The following EIF4G3 variants were observed in gnomAD, a reference collection of about 807,000 sequenced individuals.
EIF4G3 encodes eukaryotic translation initiation factor 4 gamma 3.
A neutral mutation model predicts 186.4 loss-of-function variants in EIF4G3; 34 were observed. The ratio of observed to expected loss-of-function variants is 0.18; its 90% CI spans 0.14 to 0.24. EIF4G3 has a LOEUF of 0.24. Ranked by LOEUF, EIF4G3 falls within the 10% of genes least tolerant of loss-of-function variation. The probability of loss-of-function intolerance (pLI) is 1.00; values close to 1 mark genes in which losing one functional copy is unlikely to be tolerated. For synonymous variants in EIF4G3, 673 were observed against 679.5 expected (o/e 0.99, Z 0.15); for missense variants, 1,536 against 1,948.5 (o/e 0.79, Z 3.99).
chr1:20,994,421 C>T (rs2081826009), intron 7 of EIF4G3, among the ~76,000 whole-genome samples: 1 of 152,018 alleles, frequency 6.6e-6, no homozygotes, highest in African/African-American at 2.4e-5. Flanking sequence ...TTATTCAATT[C>T]TCTGTGATAT....
intron 14 of EIF4G3, among the ~76,000 whole-genome samples, chr1:20,939,847 GTTTTT>G (rs538504683): frequency 1.1e-5 from 1 of 89,912 alleles, no homozygotes; most frequent in Non-Finnish European, 2.2e-5. Context: ...AAGTTGTTTA[GTTTTT>G]TTTTTTTTTT....
chr1:21,140,113 T>C (rs2097311890), intron 2 of EIF4G3, among the ~76,000 whole-genome samples: 2 of 152,252 alleles, frequency 1.3e-5, no homozygotes, highest in South Asian at 4.1e-4. Context: ...GTCTTCTCTC[T>C]GTAACAGTAT....
chr1:20,890,066 G>A lies in EIF4G3; in HGVS notation c.2253+3451C>T, dbSNP rs571191738. Among the ~76,000 whole-genome samples, 6 of 150,940 alleles carry A rather than the reference G, an allele frequency of 4.0e-5. No homozygotes were observed. In the South Asian group the frequency reaches 8.4e-4, roughly 21 times the overall value. On this transcript the variant is annotated intron_variant, in intron 18 of 36. Transcript: ENST00000602326. ...TGGCTCACTACAGCCTCCGCCTCCC[G>A]GGTTCAAGCGATTCTTGTGCCTCAG...
intron 2 of EIF4G3, among the ~76,000 whole-genome samples, chr1:21,136,624 T>C (rs765131865): frequency 3.3e-5 from 5 of 152,134 alleles, no homozygotes; most frequent in Non-Finnish European, 4.4e-5. Flanking sequence ...AGTGCCCAAA[T>C]GCCTGGACAA....
chr1:20,863,733 C>T (rs891744991), intron 22 of EIF4G3, among the ~76,000 whole-genome samples: 10 of 150,546 alleles, frequency 6.6e-5, no homozygotes, highest in Admixed American at 1.3e-4. Flanking sequence ...CATGAGCCAC[C>T]GTGCCCGGCT....
chr1:20,934,364 G>A (rs1035206949), intron 14 of EIF4G3, among the ~76,000 whole-genome samples: 12 of 152,234 alleles, frequency 7.9e-5, no homozygotes, highest in African/African-American at 2.9e-4. Flanking sequence ...TGGTTATATG[G>A]GACTCAGAGA....
At chr1:21,116,768 G>A (rs2096831052) in intron 2 of EIF4G3, among the ~76,000 whole-genome samples, 1 of 151,444 alleles carries the variant, frequency 6.6e-6, no homozygotes, top group Non-Finnish European at 1.5e-5. Flanking sequence ...GAACCCAGGA[G>A]GCGGATGTTG....
chr1:20,872,898 A>G (rs2079622893), intron 20 of EIF4G3, among the ~76,000 whole-genome samples: 5 of 151,838 alleles, frequency 3.3e-5, no homozygotes, highest in Admixed American at 3.3e-4. Context: ...CACCATGCCC[A>G]GCTAATTTTT....
At chr1:20,991,560 T>A (rs552949046) in intron 7 of EIF4G3, among the ~76,000 whole-genome samples, 75 of 143,612 alleles carry the variant, frequency 5.2e-4, no homozygotes, top group African/African-American at 1.8e-3. Context: ...AGAGTGAGAC[T>A]CTGTCTCATA....
At chr1:20,968,654 A>G (rs1312909046) in intron 12 of EIF4G3, among the ~76,000 whole-genome samples, 1 of 152,228 alleles carries the variant, frequency 6.6e-6, no homozygotes, top group African/African-American at 2.4e-5. Context: ...CAATTTATTA[A>G]TAAGTTCCAC....
chr1:21,010,662 C>A (rs6661116), intron 4 of EIF4G3, among the ~76,000 whole-genome samples: 1 of 151,906 alleles, frequency 6.6e-6, no homozygotes, highest in Non-Finnish European at 1.5e-5. Context: ...ATACATAGCC[C>A]ATGGCTAACA....
intron 11 of EIF4G3, among the ~76,000 whole-genome samples, chr1:20,971,188 C>T (rs1322130491): frequency 6.6e-6 from 1 of 152,080 alleles, no homozygotes; most frequent in Admixed American, 6.5e-5. Context: ...TATAAAGGAC[C>T]CACTGTTGTT....
intron 2 of EIF4G3, among the ~76,000 whole-genome samples, chr1:21,160,280 TA>T (rs770407561): frequency 1.3e-5 from 2 of 151,972 alleles, no homozygotes; most frequent in African/African-American, 2.4e-5. Flanking sequence ...ATATGAATAA[TA>T]AACAAATGGA....
chr1:20,918,545 A>G (rs1290283027), intron 14 of EIF4G3, among the ~76,000 whole-genome samples: 1 of 152,018 alleles, frequency 6.6e-6, no homozygotes, highest in Non-Finnish European at 1.5e-5. Flanking sequence ...GGTCATAACT[A>G]TATGAGTTAT....
At chr1:20,818,322 C>T (rs1338575094) in intron 33 of EIF4G3, among the ~76,000 whole-genome samples, 1 of 152,108 alleles carries the variant, frequency 6.6e-6, no homozygotes, top group Non-Finnish European at 1.5e-5. Context: ...AATTGTTTAG[C>T]ACTTAGATAC....
rs562236311 is a variant in EIF4G3, at chr1:21,090,471, A to G, written c.-271-1258T>C. On this transcript the variant is annotated intron_variant, in intron 2 of 36. Transcript: ENST00000602326. ...ATGAATGTTTCCTACTTATGCAGAAAAGAGAGGACCAATACATTTTAAAGA... is the reference window on the plus strand; with the variant it reads ...ATGAATGTTTCCTACTTATGCAGAAGAGAGAGGACCAATACATTTTAAAGA... Among the ~76,000 whole-genome samples, 128 of 152,362 alleles carry G rather than the reference A, an allele frequency of 8.4e-4. 1 individual carries two copies. The highest frequency in any genetic ancestry group is 3.0e-3 in the African/African-American group (124 of 41,590).
At chr1:20,876,707 A>C (rs2154553756) in intron 20 of EIF4G3, among the ~76,000 whole-genome samples, 1 of 152,316 alleles carries the variant, frequency 6.6e-6, no homozygotes, top group South Asian at 2.1e-4. Flanking sequence ...AATTTAAAAT[A>C]ATCCAGGAGG....
At chr1:21,173,519 T>C (rs2098033823) in intron 2 of EIF4G3, among the ~76,000 whole-genome samples, 1 of 152,008 alleles carries the variant, frequency 6.6e-6, no homozygotes, top group Non-Finnish European at 1.5e-5. Context: ...AAACCCAGTC[T>C]GATCACGCCT....
At chr1:21,110,586 C>G (rs1013228925) in intron 2 of EIF4G3, among the ~76,000 whole-genome samples, 1 of 152,154 alleles carries the variant, frequency 6.6e-6, no homozygotes, top group Non-Finnish European at 1.5e-5. Flanking sequence ...TGAGCCACCA[C>G]GCCTGGCCTA....
Sources: gnomAD v4.1 joint callset for allele counts (sites outside exome capture counted in the v4.1 genomes callset) on GRCh38, gnomAD v4.1.1 for gene constraint, MANE v1.5 for transcripts, NCBI Gene and HGNC (gene_info 2026-07-23, HGNC 2026-07-21) for gene names.